The following WWOX variants were observed in gnomAD, a reference collection of about 807,000 sequenced individuals.
WWOX encodes WW domain-containing oxidoreductase.
Under a neutral mutation model 46.2 loss-of-function variants are expected in WWOX, and 69 were observed. The observed-to-expected ratio is 1.49, with a 90% CI of 1.23 to 1.82. WWOX has a LOEUF of 1.82. Ranked by LOEUF, WWOX falls within the 40% of genes most tolerant of loss-of-function variation. The probability of loss-of-function intolerance (pLI) is 0.00; values close to 1 mark genes in which losing one functional copy is unlikely to be tolerated. For synonymous variants in WWOX, 359 were observed against 202.6 expected, an observed-to-expected ratio of 1.77 and a Z score of -6.56; for missense variants, 919 against 542.6, an observed-to-expected ratio of 1.69 and a Z score of -6.89.
intron 8 of WWOX, among the ~76,000 whole-genome samples, chr16:78,589,001 T>C (rs1032511685): frequency 2.0e-5 from 3 of 152,194 alleles, no homozygotes; most frequent in African/African-American, 7.2e-5. Flanking sequence ...GTGGCCATCA[T>C]AGAAGTAAAT....
At chr16:78,619,263 C>CTGAGACA (rs989541043) in intron 8 of WWOX, among the ~76,000 whole-genome samples, 1 of 112,752 alleles carries the variant, frequency 8.9e-6, no homozygotes, top group African/African-American at 3.4e-5. Context: ...ACTTGGGAGG[C>CTGAGACA]TGAGACATGA....
At chr16:78,977,728 G>T (rs184980579) in intron 8 of WWOX, among the ~76,000 whole-genome samples, 31 of 152,182 alleles carry the variant, frequency 2.0e-4, no homozygotes, top group Non-Finnish European at 3.8e-4. Context: ...TGCAGGGGGT[G>T]CCTGCAAGTC....
At chr16:79,096,922 C>T (rs1269760333) in intron 8 of WWOX, among the ~76,000 whole-genome samples, 6 of 151,744 alleles carry the variant, frequency 4.0e-5, no homozygotes, top group African/African-American at 9.7e-5. Context: ...GGATCAGGGT[C>T]GGGTGGGGAC....
chr16:78,418,421 C>G (rs1210184270), intron 6 of WWOX, among the ~76,000 whole-genome samples: 1 of 149,946 alleles, frequency 6.7e-6, no homozygotes. Flanking sequence ...TTTAAAAAAA[C>G]AGAAGAGGAG....
At position 78,887,082 on chromosome 16, in the gene WWOX, GT is replaced by G. The variant is rs2044477068; in HGVS notation, c.1057-324525del. 4.7e-3 allele frequency among the ~76,000 whole-genome samples: 61 copies of G among 12,862 alleles called. 2 individuals carry two copies. The highest frequency in any genetic ancestry group is 0.032 in the Admixed American group (58 of 1,836). 8.4% of individuals were successfully genotyped at this position (12,862 alleles called of 152,430 possible). ...GGCTATATGTGTGTGTGTGTGGTGTGTGTGTGTGTGTGTGTGTGTGTGTGTG... is the reference window on the plus strand; with the variant it reads ...GGCTATATGTGTGTGTGTGTGGTGTGGTGTGTGTGTGTGTGTGTGTGTGTG... On this transcript the variant is annotated intron_variant, in intron 8 of 8. Transcript: ENST00000566780.
At chr16:78,734,075 A>G (rs2049028201) in intron 8 of WWOX, among the ~76,000 whole-genome samples, 1 of 151,982 alleles carries the variant, frequency 6.6e-6, no homozygotes, top group African/African-American at 2.4e-5. Context: ...AAAAAAACAC[A>G]AAAAACTAAA....
At chr16:78,905,128 C>T (rs1296917704) in intron 8 of WWOX, among the ~76,000 whole-genome samples, 1 of 152,202 alleles carries the variant, frequency 6.6e-6, no homozygotes, top group Non-Finnish European at 1.5e-5. Context: ...TTCAATGACT[C>T]TGATTTGGAA....
At chr16:79,059,682 G>T (rs769149866) in intron 8 of WWOX, among the ~76,000 whole-genome samples, 2 of 152,110 alleles carry the variant, frequency 1.3e-5, no homozygotes, top group African/African-American at 4.8e-5. Context: ...TTTTAGTAGA[G>T]ATGGGGTTTC....
intron 8 of WWOX, among the ~76,000 whole-genome samples, chr16:78,656,291 A>G (rs1264948534): frequency 1.3e-5 from 2 of 151,740 alleles, no homozygotes; most frequent in Non-Finnish European, 2.9e-5. Flanking sequence ...GGGATCACCC[A>G]CTCCAACATG....
At chr16:78,418,903 C>G (rs1372379798) in intron 6 of WWOX, among the ~76,000 whole-genome samples, 2 of 151,980 alleles carry the variant, frequency 1.3e-5, no homozygotes, top group African/African-American at 2.4e-5. Context: ...GATATTCACT[C>G]TCATCACTTT....
At chr16:78,512,009 T>C (rs1889047023) in intron 8 of WWOX, among the ~76,000 whole-genome samples, 1 of 152,216 alleles carries the variant, frequency 6.6e-6, no homozygotes, top group South Asian at 2.1e-4. Context: ...TGTATCAAAC[T>C]TGCTGGGCAT....
chr16:78,330,137 G>A (rs911468455), intron 5 of WWOX, among the ~76,000 whole-genome samples: 2 of 152,076 alleles, frequency 1.3e-5, no homozygotes, highest in African/African-American at 2.4e-5. Flanking sequence ...ATGCCTAAAC[G>A]TTTGAAAACA....
intron 8 of WWOX, among the ~76,000 whole-genome samples, chr16:78,946,763 T>C (rs1357746484): frequency 2.0e-5 from 3 of 146,852 alleles, no homozygotes; most frequent in South Asian, 2.1e-4. Context: ...GTCCACAGAA[T>C]TGGCAGTGAG....
Position 78,137,318 on chromosome 16 carries a change from A to C in WWOX, c.409+22164A>C, listed in dbSNP as rs561059262. Among the ~76,000 whole-genome samples the C allele has an allele frequency of 3.9e-5, 6 of 152,282 alleles. No individual in the cohort carries two copies. The South Asian group carries it at 1.0e-3, about 26-fold the overall frequency. ...AACTAGACGTGCTGTTTTGACGTCT[A>C]TGCTTTCCAGCTTGCCAATTCTGGG... is the stretch of plus-strand genomic sequence containing the variant. On this transcript the variant is annotated intron_variant, in intron 4 of 8. Coordinates refer to ENST00000566780, the MANE Select transcript of WWOX (RefSeq NM_016373.4).
intron 8 of WWOX, among the ~76,000 whole-genome samples, chr16:78,848,990 C>T (rs558890105): frequency 2.2e-4 from 34 of 152,148 alleles, no homozygotes; most frequent in Non-Finnish European, 4.0e-4. Context: ...TGCGATGACT[C>T]GCAAAGACAT....
Position 79,048,254 on chromosome 16 carries a change from G to C in WWOX, c.1057-163354G>C, listed in dbSNP as rs116401885. ...GTAGAGCTTGGAGGTTGTGTTTTCAGCTGAGAAAAGTGATCCTGAACCTCT... is the reference window on the plus strand; with the variant it reads ...GTAGAGCTTGGAGGTTGTGTTTTCACCTGAGAAAAGTGATCCTGAACCTCT... On this transcript the variant is annotated intron_variant, in intron 8 of 8. Coordinates refer to ENST00000566780, the MANE Select transcript of WWOX (RefSeq NM_016373.4). Among the ~76,000 whole-genome samples, 1,048 of 142,106 alleles carry C rather than the reference G, an allele frequency of 7.4e-3. 16 individuals are homozygous for C. Among genetic ancestry groups the C allele is most frequent in the African/African-American group, 0.026 (1,004 of 38,214 alleles). The allele number at this position is 142,106 out of a possible 152,430, so 93.2% of individuals were successfully genotyped here. A position where few individuals can be genotyped will look rare whatever the true frequency, so the allele number is the denominator to read the frequency against.
intron 8 of WWOX, among the ~76,000 whole-genome samples, chr16:78,519,664 C>T (rs1033718596): frequency 1.3e-5 from 2 of 151,898 alleles, no homozygotes; most frequent in Admixed American, 6.6e-5. Flanking sequence ...GTCCTGGGGG[C>T]GGAGGGTACT....
Position 78,162,906 on chromosome 16 carries a change from C to G in WWOX, c.410-1277C>G, listed in dbSNP as rs573569869. On this transcript the variant is annotated intron_variant, in intron 4 of 8. Transcript: ENST00000566780. The stretch of plus-strand genomic sequence containing the variant: ...CTGTTAAACTATATGCTGAATTCTT[C>G]TTTACTCTTATTACTCTTATTTTGT... 5.3e-5 allele frequency among the ~76,000 whole-genome samples: 8 copies of G among 152,100 alleles called. No homozygotes were observed. The South Asian group carries it at 1.5e-3, about 28-fold the overall frequency.
At chr16:78,774,405 AAAAG>A (rs775994710) in intron 8 of WWOX, among the ~76,000 whole-genome samples, 8 of 152,198 alleles carry the variant, frequency 5.3e-5, no homozygotes, top group Non-Finnish European at 1.0e-4. Flanking sequence ...GTCTCAAAAA[AAAAG>A]AAAGAGTTCT....
Sources: gnomAD v4.1 joint callset for allele counts (sites outside exome capture counted in the v4.1 genomes callset) on GRCh38, gnomAD v4.1.1 for gene constraint, MANE v1.5 for transcripts, NCBI Gene and HGNC (gene_info 2026-07-23, HGNC 2026-07-21) for gene names.